Variants in UNC13C observed in about 807,000 individuals in gnomAD.
The protein encoded by UNC13C is unc-13 homolog C, also known as protein unc-13 homolog C.
In UNC13C, 174 loss-of-function variants were observed where a neutral mutation model predicts 245.4. The observed-to-expected ratio is 0.71, with a 90% CI of 0.63 to 0.80. The LOEUF is 0.80. UNC13C is among the 30% of genes least tolerant of loss of function. UNC13C has a pLI of 0.00. For missense variants in UNC13C, 2,829 were observed against 2,602.9 expected (o/e 1.09, Z -1.89); for synonymous variants, 992 against 895.1 (o/e 1.11, Z -1.93).
intron 19 of UNC13C, among the ~76,000 whole-genome samples, chr15:54,477,399 G>A (rs1444699352): frequency 9.5e-6 from 1 of 105,006 alleles, no homozygotes; most frequent in Non-Finnish European, 2.0e-5. Flanking sequence ...TTTTCAAAGG[G>A]AATGCTTCCA....
At chr15:54,499,425 T>G (rs1342225162) in intron 20 of UNC13C, among the ~76,000 whole-genome samples, 1 of 152,036 alleles carries the variant, frequency 6.6e-6, no homozygotes, top group Non-Finnish European at 1.5e-5. Context: ...ACCATATCAG[T>G]GCATAACAAA....
At chr15:54,029,762 C>T (rs1896276949) in intron 2 of UNC13C, among the ~76,000 whole-genome samples, 1 of 152,176 alleles carries the variant, frequency 6.6e-6, no homozygotes, top group Non-Finnish European at 1.5e-5. Context: ...GAAGGTGCGG[C>T]AGAGGTTCCC....
chr15:54,475,540 G>A (rs1276705068), intron 19 of UNC13C, among the ~76,000 whole-genome samples: 1 of 150,814 alleles, frequency 6.6e-6, no homozygotes, highest in South Asian at 2.1e-4. Context: ...TCCCATCTAT[G>A]AGTGAGAACA....
chr15:54,363,890 T>C (rs1230497341), intron 17 of UNC13C, among the ~76,000 whole-genome samples: 1 of 152,194 alleles, frequency 6.6e-6, no homozygotes, highest in African/African-American at 2.4e-5. Flanking sequence ...TGAGCAATTA[T>C]AGATATTTGT....
At chr15:54,499,770 A>G (rs1451730153) in intron 20 of UNC13C, among the ~76,000 whole-genome samples, 1 of 152,168 alleles carries the variant, frequency 6.6e-6, no homozygotes, top group Non-Finnish European at 1.5e-5. Flanking sequence ...TTGATAGGGA[A>G]GAGAGCACAC....
intron 17 of UNC13C, among the ~76,000 whole-genome samples, chr15:54,351,658 C>G (rs1204265913): frequency 6.6e-6 from 1 of 152,014 alleles, no homozygotes; most frequent in Non-Finnish European, 1.5e-5. Flanking sequence ...ATTATAAAAC[C>G]CTCCAGTGTA....
At chr15:53,896,110 T>C in the UNC13C span, among the ~76,000 whole-genome samples, 1 of 152,008 alleles carries the variant, frequency 6.6e-6, no homozygotes, top group African/African-American at 2.4e-5. Context: ...TAATTGCCAA[T>C]GTAGAGTTCC....
intron 29 of UNC13C, among the ~76,000 whole-genome samples, chr15:54,557,723 A>C (rs1897147397): frequency 6.6e-6 from 1 of 152,048 alleles, no homozygotes; most frequent in Non-Finnish European, 1.5e-5. Context: ...AATTTAATTG[A>C]ATAAGCTAGA....
At chr15:54,455,392 G>T (rs533667679) in intron 19 of UNC13C, among the ~76,000 whole-genome samples, 6 of 150,930 alleles carry the variant, frequency 4.0e-5, no homozygotes, top group Non-Finnish European at 5.9e-5. Flanking sequence ...CGGATTGCTG[G>T]ATCAAATGGT....
chr15:54,062,410 A>G (rs1897885432), intron 2 of UNC13C, among the ~76,000 whole-genome samples: 1 of 151,840 alleles, frequency 6.6e-6, no homozygotes. Flanking sequence ...TGATCCCAGC[A>G]CCACATTCTA....
At chr15:54,448,297 G>T (rs1890949361) in intron 19 of UNC13C, among the ~76,000 whole-genome samples, 1 of 152,132 alleles carries the variant, frequency 6.6e-6, no homozygotes, top group South Asian at 2.1e-4. Context: ...GGTCCGCTTG[G>T]TGCAGAGCTG....
intron 19 of UNC13C, among the ~76,000 whole-genome samples, chr15:54,446,971 A>C (rs1175835033): frequency 1.3e-5 from 2 of 152,136 alleles, no homozygotes; most frequent in East Asian, 3.9e-4. Flanking sequence ...TCCCATCAAT[A>C]CCTAATTTAT....
At chr15:53,883,449 A>G in the UNC13C span, among the ~76,000 whole-genome samples, 1 of 152,328 alleles carries the variant, frequency 6.6e-6, no homozygotes, top group South Asian at 2.1e-4. Flanking sequence ...AACTTTAAAG[A>G]TAACTGTCTT....
chr15:54,072,701 A>G (rs2141100489), intron 2 of UNC13C, among the ~76,000 whole-genome samples: 1 of 152,348 alleles, frequency 6.6e-6, no homozygotes, highest in East Asian at 1.9e-4. Flanking sequence ...AACTCTTAGG[A>G]GAATTTTGTC....
the UNC13C span, among the ~76,000 whole-genome samples, chr15:53,951,527 CA>C: frequency 6.6e-6 from 1 of 152,222 alleles, no homozygotes; most frequent in Non-Finnish European, 1.5e-5. Flanking sequence ...CGGTAAATCA[CA>C]TGGCCACCCT....
chr15:54,581,569 A>C (rs1346562135), intron 30 of UNC13C, among the ~76,000 whole-genome samples: 1 of 152,162 alleles, frequency 6.6e-6, no homozygotes, highest in Non-Finnish European at 1.5e-5. Context: ...AAGGACACTA[A>C]TCCCATCAGG....
intron 17 of UNC13C, 69 bp from the exon 18 acceptor site, chr15:54,392,979 A>T: frequency 7.1e-7 from 1 of 1,405,340 alleles, no homozygotes. Context: ...CTTCTATTTG[A>T]CAGTGACATC....
At chr15:54,158,574 C>T (rs1331441544) in intron 4 of UNC13C, among the ~76,000 whole-genome samples, 1 of 152,160 alleles carries the variant, frequency 6.6e-6, no homozygotes, top group Non-Finnish European at 1.5e-5. Flanking sequence ...ACGCCTCAGC[C>T]TCCCAAAGTA....
intron 2 of UNC13C, among the ~76,000 whole-genome samples, chr15:54,056,287 C>T (rs544843798): frequency 1.1e-4 from 16 of 152,238 alleles, no homozygotes; most frequent in South Asian, 2.1e-4. Flanking sequence ...ATCAGAAAAC[C>T]ATGGCACGAG....
Sources: allele counts gnomAD v4.1 joint callset (sites outside exome capture counted in the v4.1 genomes callset), GRCh38; gene constraint gnomAD v4.1.1; transcripts MANE v1.5; gene names NCBI Gene and HGNC (gene_info 2026-07-23, HGNC 2026-07-21).